Variants in SMYD3 observed in about 807,000 individuals in gnomAD.
SMYD3 encodes histone-lysine N-methyltransferase SMYD3.
A neutral mutation model predicts 57.7 loss-of-function variants in SMYD3; 36 were observed. The ratio of observed to expected loss-of-function variants is 0.62; its 90% CI spans 0.48 to 0.82. The LOEUF is 0.82. Among genes scored for constraint, SMYD3 ranks in the 40% least tolerant of loss-of-function variants. The pLI is 0.00. For missense variants in SMYD3, 515 were observed against 538.8 expected (o/e 0.96, Z 0.44); for synonymous variants, 211 against 195.0 (o/e 1.08, Z -0.68).
intron 5 of SMYD3, among the ~76,000 whole-genome samples, chr1:246,028,862 T>C (rs543026739): frequency 7.9e-5 from 12 of 152,264 alleles, no homozygotes; most frequent in Admixed American, 2.6e-4. Flanking sequence ...CAAAACCATA[T>C]GGTACTGGTA....
chr1:246,363,742 T>C (rs1260218237), intron 1 of SMYD3, among the ~76,000 whole-genome samples: 1 of 151,928 alleles, frequency 6.6e-6, no homozygotes, highest in Non-Finnish European at 1.5e-5. Flanking sequence ...TTAAGAGTCA[T>C]CACCACTCCC....
intron 5 of SMYD3, among the ~76,000 whole-genome samples, chr1:246,204,460 G>A (rs1450133764): frequency 1.3e-5 from 2 of 152,110 alleles, no homozygotes; most frequent in Non-Finnish European, 1.5e-5. Context: ...CATAGAATGT[G>A]GGCTCAGTAA....
intron 5 of SMYD3, among the ~76,000 whole-genome samples, chr1:246,297,980 T>C (rs893301777): frequency 6.6e-6 from 1 of 152,174 alleles, no homozygotes; most frequent in Non-Finnish European, 1.5e-5. Flanking sequence ...CTTTTCAGTA[T>C]GATGAATATT....
rs536989942 is a variant in SMYD3, at chr1:246,108,335, T to C, written c.532-178398A>G. On this transcript the variant is annotated intron_variant, in intron 5 of 11. Coordinates refer to ENST00000490107, the MANE Select transcript of SMYD3 (RefSeq NM_001167740.2). Reference sequence around the variant, plus strand: ...TACAGAGGCATAAGGGCTATCCAAATAGGGTCACAGGTTACGCTATGAATA... The same window carrying C: ...TACAGAGGCATAAGGGCTATCCAAACAGGGTCACAGGTTACGCTATGAATA... 2.6e-5 allele frequency among the ~76,000 whole-genome samples: 4 copies of C among 152,276 alleles called. 1 individual carries two copies. The South Asian group carries it at 8.3e-4, about 32-fold the overall frequency.
Position 246,203,032 on chromosome 1 carries a change from G to C in SMYD3, c.531+124169C>G, listed in dbSNP as rs1028494615. Among the ~76,000 whole-genome samples the C allele has an allele frequency of 4.6e-5, 7 of 152,152 alleles. No homozygotes were observed. The highest frequency in any genetic ancestry group is 1.7e-4 in the African/African-American group (7 of 41,420). On this transcript the variant is annotated intron_variant, in intron 5 of 11. Coordinates refer to ENST00000490107, the MANE Select transcript of SMYD3 (RefSeq NM_001167740.2). The surrounding 1 kb of genome is among the most constrained non-coding windows in gnomAD (Gnocchi z 4.6). Reference sequence around the variant, plus strand: ...CCCAGCTACTCAGGAGGCTGAGACAGGAGAATCACTTCAACCTGGGAGGGT... The same window carrying C: ...CCCAGCTACTCAGGAGGCTGAGACACGAGAATCACTTCAACCTGGGAGGGT...
intron 5 of SMYD3, among the ~76,000 whole-genome samples, chr1:246,263,531 C>G (rs2064049783): frequency 6.6e-6 from 1 of 152,164 alleles, no homozygotes; most frequent in Non-Finnish European, 1.5e-5. Context: ...AAAATGCCTG[C>G]TCCTGAATGA....
At chr1:245,961,320 G>A (rs1179114444) in intron 5 of SMYD3, among the ~76,000 whole-genome samples, 1 of 152,158 alleles carries the variant, frequency 6.6e-6, no homozygotes, top group African/African-American at 2.4e-5. Flanking sequence ...TCTGCTAAGT[G>A]AAGATATCTC....
At chr1:246,412,368 T>C (rs2066990179) in intron 1 of SMYD3, among the ~76,000 whole-genome samples, 1 of 152,206 alleles carries the variant, frequency 6.6e-6, no homozygotes, top group African/African-American at 2.4e-5. Flanking sequence ...CATTGCCTAA[T>C]TATCCTTTAG....
intron 4 of SMYD3, among the ~76,000 whole-genome samples, chr1:246,328,157 G>C (rs937143749): frequency 8.5e-5 from 13 of 152,078 alleles, no homozygotes; most frequent in Non-Finnish European, 1.6e-4. Context: ...TCGCGCCACT[G>C]CACTCCAGCC....
chr1:245,920,175 T>G (rs575863491), intron 7 of SMYD3, among the ~76,000 whole-genome samples: 1 of 151,854 alleles, frequency 6.6e-6, no homozygotes, highest in Admixed American at 6.6e-5. Flanking sequence ...TAGCCAGGCG[T>G]GGTGGCGGGC....
chr1:246,448,704 TAAAAAAAAAA>T (rs1553349829), intron 1 of SMYD3, among the ~76,000 whole-genome samples: 4 of 81,438 alleles, frequency 4.9e-5, no homozygotes, highest in East Asian at 6.4e-4. Context: ...CTCTTTTTTT[TAAAAAAAAAA>T]AAAAAAAAAA....
intron 1 of SMYD3, among the ~76,000 whole-genome samples, chr1:246,433,479 G>C (rs890724449): frequency 6.6e-6 from 1 of 152,072 alleles, no homozygotes; most frequent in Non-Finnish European, 1.5e-5. Context: ...TGGACAACAT[G>C]GTAAAACCCC....
chr1:246,367,220 C>G (rs9970533), intron 1 of SMYD3, among the ~76,000 whole-genome samples: 36,553 of 151,716 alleles, frequency 0.24, 4,789 homozygotes, highest in East Asian at 0.51. Context: ...TTCCCAGTGA[C>G]TTGACATGTT....
intron 5 of SMYD3, among the ~76,000 whole-genome samples, chr1:245,934,683 C>G (rs1016239821): frequency 6.6e-6 from 1 of 152,078 alleles, no homozygotes; most frequent in Non-Finnish European, 1.5e-5. Flanking sequence ...AATGATGATT[C>G]GCAAATCCCA....
At chr1:246,180,133 TCC>T (rs1262041898) in intron 5 of SMYD3, among the ~76,000 whole-genome samples, 1 of 149,718 alleles carries the variant, frequency 6.7e-6, no homozygotes, top group Non-Finnish European at 1.5e-5. Context: ...TATAGCAAGA[TCC>T]CATATCTAAT....
intron 1 of SMYD3, among the ~76,000 whole-genome samples, chr1:246,493,101 A>G (rs1212735836): frequency 6.6e-6 from 1 of 152,120 alleles, no homozygotes; most frequent in Non-Finnish European, 1.5e-5. Flanking sequence ...ATGTTACTTT[A>G]TATCACTTTA....
intron 5 of SMYD3, among the ~76,000 whole-genome samples, chr1:245,949,825 A>ACCCCCCCCCC (rs376505931): frequency 5.4e-5 from 5 of 93,336 alleles, no homozygotes; most frequent in South Asian, 4.0e-4. Flanking sequence ...AAAGAAACCC[A>ACCCCCCCCCC]CCCCCCCCAC....
chr1:245,806,681 C>T (rs1455493605), intron 10 of SMYD3, among the ~76,000 whole-genome samples: 2 of 151,706 alleles, frequency 1.3e-5, no homozygotes, highest in Middle Eastern at 3.2e-3. Flanking sequence ...GAGGCCGAGG[C>T]GGGTGGATCA....
At chr1:245,869,328 G>A (rs2052045684) in intron 8 of SMYD3, among the ~76,000 whole-genome samples, 2 of 152,212 alleles carry the variant, frequency 1.3e-5, no homozygotes, top group African/African-American at 4.8e-5. Context: ...GAACCTGCTG[G>A]TTCCAGCGCT....
Sources: allele counts gnomAD v4.1 joint callset (sites outside exome capture counted in the v4.1 genomes callset), GRCh38; gene constraint gnomAD v4.1.1; non-coding constraint Gnocchi (gnomAD v3.1); transcripts MANE v1.5; gene names NCBI Gene and HGNC (gene_info 2026-07-23, HGNC 2026-07-21).